GRIN2A: variants seen among roughly 807,000 people sequenced by gnomAD.
GRIN2A encodes glutamate receptor ionotropic, NMDA 2A.
Under a neutral mutation model 113.4 loss-of-function variants are expected in GRIN2A, and 22 were observed. The ratio of observed to expected loss-of-function variants is 0.19; its 90% CI spans 0.14 to 0.28. The LOEUF is 0.28. Among genes scored for constraint, GRIN2A ranks in the 10% least tolerant of loss-of-function variants. The pLI is 1.00. For synonymous variants in GRIN2A, 827 were observed against 738.4 expected, an observed-to-expected ratio of 1.12 and a Z score of -1.94; for missense variants, 1,502 against 1,887.0, an observed-to-expected ratio of 0.80 and a Z score of 3.78.
intron 8 of GRIN2A, among the ~76,000 whole-genome samples, chr16:9,831,895 T>C (rs983808770): frequency 6.6e-6 from 1 of 151,962 alleles, no homozygotes; most frequent in Non-Finnish European, 1.5e-5. Context: ...TCTTATACTA[T>C]TGTCTACCTC....
At chr16:10,063,064 T>C (rs1010531322) in intron 2 of GRIN2A, among the ~76,000 whole-genome samples, 1 of 152,190 alleles carries the variant, frequency 6.6e-6, no homozygotes, top group Non-Finnish European at 1.5e-5. Flanking sequence ...CAAAATCATG[T>C]TATTTGCCGC....
intron 2 of GRIN2A, among the ~76,000 whole-genome samples, chr16:10,053,307 G>T (rs1449919215): frequency 6.6e-6 from 1 of 152,216 alleles, no homozygotes; most frequent in African/African-American, 2.4e-5. Flanking sequence ...TTAAATGTCA[G>T]GCTAAAAGGA....
rs979138445 is a variant in GRIN2A at position 10,073,087 on chromosome 16, C to G, written c.414+106911G>C. On this transcript the variant is annotated intron_variant, in intron 2 of 12. Coordinates refer to ENST00000330684, the MANE Select transcript of GRIN2A (RefSeq NM_001134407.3). ...TCCCCTCCCTCAGCCTCCCAAGTAG[C>G]TGGGATTACAGGCACCCACCGCCAC... is the stretch of plus-strand genomic sequence containing the variant. Among the ~76,000 whole-genome samples, 3 of 151,680 alleles carry G rather than the reference C, an allele frequency of 2.0e-5. No homozygotes were observed. The East Asian group carries it at 5.9e-4, about 30-fold the overall frequency.
chr16:10,057,043 T>A (rs1013421368), intron 2 of GRIN2A, among the ~76,000 whole-genome samples: 4 of 151,768 alleles, frequency 2.6e-5, no homozygotes, highest in African/African-American at 4.8e-5. Flanking sequence ...CCTCCACCCA[T>A]CCATCCAGCC....
rs9940213 is a variant in GRIN2A, at chr16:9,951,868, C to A, written c.415-13317G>T. Among the ~76,000 whole-genome samples, 1,395 of 152,232 alleles carry A rather than the reference C, an allele frequency of 9.2e-3. 17 individuals are homozygous for A. The highest frequency in any genetic ancestry group is 0.032 in the African/African-American group (1,329 of 41,520). On this transcript the variant is annotated intron_variant, in intron 2 of 12. Transcript: ENST00000330684. ...TTGCAGGCGAGAGCCCAAGTCAGCC[C>A]ATGTGTTCTTCAACCTCAGGTAAGT...
intron 2 of GRIN2A, among the ~76,000 whole-genome samples, chr16:10,148,899 A>T (rs1021643863): frequency 1.3e-5 from 2 of 152,252 alleles, no homozygotes; most frequent in Non-Finnish European, 2.9e-5. Context: ...AAAAAGAATA[A>T]GATCCTGTCA....
At chr16:10,057,338 G>A (rs1245668954) in intron 2 of GRIN2A, among the ~76,000 whole-genome samples, 1 of 152,096 alleles carries the variant, frequency 6.6e-6, no homozygotes, top group Non-Finnish European at 1.5e-5. Flanking sequence ...AAGTTCCCTA[G>A]GTATTCCTGC....
chr16:10,015,735 G>A (rs1234908771), intron 2 of GRIN2A, among the ~76,000 whole-genome samples: 3 of 152,204 alleles, frequency 2.0e-5, no homozygotes, highest in African/African-American at 7.2e-5. Context: ...ACGAGGTGAT[G>A]GCAACTGCAG....
chr16:9,822,935 C>T (rs1053959631), intron 9 of GRIN2A, among the ~76,000 whole-genome samples: 1 of 152,208 alleles, frequency 6.6e-6, no homozygotes, highest in Non-Finnish European at 1.5e-5. Context: ...TATATTACCA[C>T]TCATTCATTC....
At chr16:10,171,546 G>T (rs1216933105) in intron 2 of GRIN2A, 2 of 152,200 alleles carry the variant, frequency 1.3e-5, no homozygotes, top group Non-Finnish European at 2.9e-5. Flanking sequence ...GGCAAAGGAA[G>T]CTTCTGATTG....
intron 10 of GRIN2A, among the ~76,000 whole-genome samples, chr16:9,800,376 G>T (rs1189540995): frequency 6.6e-6 from 1 of 152,112 alleles, no homozygotes; most frequent in Non-Finnish European, 1.5e-5. Context: ...TCTAAAATGG[G>T]TAAGAAAACT....
At chr16:10,064,688 C>A (rs959986042) in intron 2 of GRIN2A, among the ~76,000 whole-genome samples, 2 of 152,240 alleles carry the variant, frequency 1.3e-5, no homozygotes, top group Non-Finnish European at 2.9e-5. Flanking sequence ...GACCCTGCTA[C>A]TAACAACCCC....
intron 4 of GRIN2A, among the ~76,000 whole-genome samples, chr16:9,887,147 A>G (rs148070484): frequency 2.0e-4 from 31 of 152,278 alleles, no homozygotes; most frequent in African/African-American, 7.5e-4. Flanking sequence ...TTGGCCTCCC[A>G]AAGTGCTAGG....
rs545221717 is a variant in GRIN2A, at chr16:10,024,541, A to G, written c.415-85990T>C. On this transcript the variant is annotated intron_variant, in intron 2 of 12. Coordinates refer to ENST00000330684, the MANE Select transcript of GRIN2A (RefSeq NM_001134407.3). The stretch of plus-strand genomic sequence containing the variant: ...CCAATGTCACGCACAGTTTTAAGCA[A>G]AACTATGTTTCAGTCTCAGCTAAAC... Among the ~76,000 whole-genome samples, 11 of 152,334 alleles carry G rather than the reference A, an allele frequency of 7.2e-5. No individual in the cohort carries two copies. The South Asian group carries it at 2.3e-3, about 32-fold the overall frequency.
At chr16:10,089,933 T>C (rs1029309619) in intron 2 of GRIN2A, among the ~76,000 whole-genome samples, 4 of 152,184 alleles carry the variant, frequency 2.6e-5, no homozygotes, top group African/African-American at 9.7e-5. Context: ...TATCAGAGCA[T>C]ATCAAAACCT....
intron 2 of GRIN2A, among the ~76,000 whole-genome samples, chr16:9,950,868 G>A (rs2045163274): frequency 6.6e-6 from 1 of 152,148 alleles, no homozygotes; most frequent in Admixed American, 6.5e-5. Context: ...TACAGTAGCT[G>A]TTTACTGATT....
intron 2 of GRIN2A, chr16:10,111,851 T>G: frequency 9.4e-7 from 1 of 1,060,792 alleles, no homozygotes; most frequent in Non-Finnish European, 1.4e-6. Flanking sequence ...TTGGTGGGCA[T>G]CATCTCCTCC....
chr16:9,798,782 A>G (rs1903167750), intron 10 of GRIN2A, among the ~76,000 whole-genome samples: 1 of 152,214 alleles, frequency 6.6e-6, no homozygotes. Context: ...ACAGTGCCCT[A>G]TTTAGAAAGG....
At chr16:10,019,814 G>T (rs1175392184) in intron 2 of GRIN2A, among the ~76,000 whole-genome samples, 2 of 152,154 alleles carry the variant, frequency 1.3e-5, no homozygotes, top group African/African-American at 2.4e-5. Context: ...TTGACCAAAG[G>T]GTACCAACTC....
Sources: gnomAD v4.1 joint callset for allele counts (sites outside exome capture counted in the v4.1 genomes callset) on GRCh38, gnomAD v4.1.1 for gene constraint, MANE v1.5 for transcripts, NCBI Gene and HGNC (gene_info 2026-07-23, HGNC 2026-07-21) for gene names.